The following SDK2 variants were observed in gnomAD, a reference collection of about 807,000 sequenced individuals.
SDK2 encodes the protein protein sidekick-2.
SDK2 carries 105 observed loss-of-function variants against 253.9 expected under a neutral mutation model. The ratio of observed to expected loss-of-function variants is 0.41; its 90% CI spans 0.35 to 0.49. The LOEUF is 0.49. Among genes scored for constraint, SDK2 ranks in the 20% least tolerant of loss-of-function variants. SDK2 has a pLI of 0.06. For missense variants in SDK2, 2,608 were observed against 3,003.0 expected (o/e 0.87, Z 3.07); for synonymous variants, 1,249 against 1,234.9 (o/e 1.01, Z -0.24).
At position 73,531,968 on chromosome 17, in the gene SDK2, G is replaced by A. The variant is rs1236574112; in HGVS notation, c.65-24371C>T. 5.3e-5 allele frequency among the ~76,000 whole-genome samples: 8 copies of A among 152,096 alleles called. No individual in the cohort carries two copies. The South Asian group carries it at 1.0e-3, about 20-fold the overall frequency. On this transcript the variant is annotated intron_variant, in intron 1 of 44. Transcript: ENST00000392650. The stretch of plus-strand genomic sequence containing the variant: ...AGTGGCTGAGGTGCCTGTACCTATC[G>A]GCGCCTTCTAATCTCCATCGTGGTG...
intron 1 of SDK2, among the ~76,000 whole-genome samples, chr17:73,614,576 G>GA (rs2046023513): frequency 9.4e-6 from 1 of 105,924 alleles, no homozygotes; most frequent in Non-Finnish European, 1.9e-5. Flanking sequence ...TGAAAAGGGG[G>GA]AGGGAGGGAG....
At chr17:73,479,344 CGT>C (rs72154855) in intron 2 of SDK2, among the ~76,000 whole-genome samples, 2 of 151,678 alleles carry the variant, frequency 1.3e-5, no homozygotes, top group Non-Finnish European at 2.9e-5. Flanking sequence ...CATGTCTGTG[CGT>C]GTGTGTGTGT....
chr17:73,643,571 C>T lies in SDK2; in HGVS notation c.64+454G>A, dbSNP rs2046425116. ...ATCCAGCGCTCGCCCACCCCACTCC[C>T]TCGCCCCGGGGAGGCCATCGCCTGC... On this transcript the variant is annotated intron_variant, in intron 1 of 44. Coordinates refer to ENST00000392650, the MANE Select transcript of SDK2 (RefSeq NM_001144952.2). This position sits in a 1 kb window ranked among gnomAD's most constrained non-coding sequence, Gnocchi z 6.9. Among the ~76,000 whole-genome samples, 1 of 152,126 alleles carries T rather than the reference C, an allele frequency of 6.6e-6. No homozygotes were observed. The highest frequency in any genetic ancestry group is 1.5e-5 in the Non-Finnish European group (1 of 68,006).
intron 1 of SDK2, among the ~76,000 whole-genome samples, chr17:73,601,823 A>G (rs747799087): frequency 4.0e-5 from 6 of 151,532 alleles, no homozygotes; most frequent in Non-Finnish European, 8.8e-5. Context: ...GGCTCGTTGC[A>G]GCCTCCGCCT....
chr17:73,601,704 C>T (rs570870548), intron 1 of SDK2, among the ~76,000 whole-genome samples: 9 of 151,968 alleles, frequency 5.9e-5, no homozygotes, highest in African/African-American at 2.2e-4. Flanking sequence ...CCAACCCTGC[C>T]GACGACACCT....
intron 16 of SDK2, 90 bp from the exon 17 acceptor site, chr17:73,416,082 GGACT>G: frequency 8.1e-7 from 1 of 1,231,166 alleles, no homozygotes; most frequent in Non-Finnish European, 1.1e-6. Context: ...CTGTCCAATA[GGACT>G]TCCGGTGGTG....
At position 73,379,143 on chromosome 17, in the gene SDK2, G is replaced by A. The variant is rs762604112; in HGVS notation, c.4980+34C>T. 11 of 1,493,172 alleles carry A rather than the reference G, an allele frequency of 7.4e-6. 1 individual carries two copies. The highest frequency in any genetic ancestry group is 6.1e-5 in the South Asian group (5 of 82,542). The allele number at this position is 1,493,172 out of a possible 1,614,324, so 92.5% of individuals were successfully genotyped here. On this transcript the variant is annotated intron_variant, in intron 36 of 44. Transcript: ENST00000392650. The surrounding 1 kb of genome is among the most constrained non-coding windows in gnomAD (Gnocchi z 4.5). ...CAGCCTCCGACCTGGCTTCTCATCC[G>A]TGCACCCCTTTGCTCTGCCCGAGGG...
At chr17:73,624,220 G>A (rs2046172298) in intron 1 of SDK2, among the ~76,000 whole-genome samples, 1 of 152,234 alleles carries the variant, frequency 6.6e-6, no homozygotes, top group Non-Finnish European at 1.5e-5. Context: ...TGGGCTGGGC[G>A]TGGTAGCTCA....
intron 36 of SDK2, among the ~76,000 whole-genome samples, chr17:73,373,809 G>A (rs933284550): frequency 6.6e-6 from 1 of 152,014 alleles, no homozygotes; most frequent in Non-Finnish European, 1.5e-5. Flanking sequence ...GCTAATTTTT[G>A]TATTTTTAGT....
At chr17:73,499,070 T>C (rs2063865689) in intron 2 of SDK2, among the ~76,000 whole-genome samples, 1 of 152,238 alleles carries the variant, frequency 6.6e-6, no homozygotes, top group South Asian at 2.1e-4. Flanking sequence ...GTGCCATGCC[T>C]GTGCTCCCGT....
intron 1 of SDK2, among the ~76,000 whole-genome samples, chr17:73,613,364 C>A (rs2046002263): frequency 6.6e-6 from 1 of 151,578 alleles, no homozygotes; most frequent in South Asian, 2.1e-4. Context: ...TCCCCACCCC[C>A]GCCCTCCAGG....
intron 21 of SDK2, among the ~76,000 whole-genome samples, chr17:73,399,617 A>G (rs11656190): frequency 0.92 from 140,735 of 152,202 alleles, 65,210 homozygotes; most frequent in Non-Finnish European, 0.95. Flanking sequence ...TAAGGCAGCT[A>G]AAAGCTGCAT....
At chr17:73,354,790 G>T (rs1222684276) in intron 40 of SDK2, among the ~76,000 whole-genome samples, 1 of 151,978 alleles carries the variant, frequency 6.6e-6, no homozygotes, top group Non-Finnish European at 1.5e-5. Context: ...CGTTCTTCTC[G>T]CCGTTCTGCT....
chr17:73,473,391 C>T (rs2145697274), intron 2 of SDK2, among the ~76,000 whole-genome samples: 1 of 152,306 alleles, frequency 6.6e-6, no homozygotes, highest in Middle Eastern at 3.4e-3. Flanking sequence ...TTTCCCATCC[C>T]TAGGCAATGG....
intron 1 of SDK2, among the ~76,000 whole-genome samples, chr17:73,530,073 C>T (rs1408967543): frequency 6.6e-6 from 1 of 152,190 alleles, no homozygotes; most frequent in African/African-American, 2.4e-5. Flanking sequence ...TCCAGTCGAA[C>T]CCATACCTGA....
At position 73,361,714 on chromosome 17, in the gene SDK2, C is replaced by G. The variant is rs766510308; in HGVS notation, c.5437G>C (p.Glu1813Gln). 2 of 1,612,540 alleles carry G rather than the reference C, an allele frequency of 1.2e-6. No individual in the cohort carries two copies. The highest frequency in any genetic ancestry group is 1.7e-6 in the Non-Finnish European group (2 of 1,178,692). ...CCGGGGCCCGTGGTGACGTTGGCTT[C>G]GATCTCCGGCCCGTAGGTGAAGGTC... is the stretch of plus-strand genomic sequence containing the variant. Reference protein sequence around the residue: ...AKTFTYGPEIEANVTTGPGEG... With the variant: ...AKTFTYGPEIQANVTTGPGEG... The change falls in exon 39 of 45, where the codon GAA (glutamate) becomes CAA (glutamine). Residue 1813 changes from glutamate to glutamine, a missense_variant. Physicochemically the swap from Glu to Gln is conservative, Grantham distance 29. Coordinates refer to ENST00000392650, the MANE Select transcript of SDK2 (RefSeq NM_001144952.2). This position sits in a 1 kb window ranked among gnomAD's most constrained non-coding sequence, Gnocchi z 4.1.
chr17:73,512,722 G>A (rs977523061), intron 1 of SDK2, among the ~76,000 whole-genome samples: 3 of 152,128 alleles, frequency 2.0e-5, no homozygotes, highest in African/African-American at 7.2e-5. Flanking sequence ...TTACAAAGCT[G>A]CAATAATGAA....
intron 12 of SDK2, among the ~76,000 whole-genome samples, chr17:73,426,269 G>A (rs59953817): frequency 0.19 from 24,003 of 124,842 alleles, 2,294 homozygotes; most frequent in Middle Eastern, 0.36. Context: ...GCTTTGCCAT[G>A]TTGGCCAAGC....
At position 73,379,473 on chromosome 17, in the gene SDK2, C is replaced by A. The variant is rs144878236; in HGVS notation, c.4839G>T (p.Pro1613=). The part of the protein sequence containing the change: ...NAVGEGPSSP[P]QEVFVGEAVP... ...CTGCCTCCCCAACAAAGACCTCCTG[C>A]GGGGGGCTGGAGGGCCCCTCACCCA... The change falls in exon 35 of 45, where the codon CCG becomes CCT. Residue 1613 remains proline (P), a synonymous_variant. Transcript: ENST00000392650. The surrounding 1 kb of genome is among the most constrained non-coding windows in gnomAD (Gnocchi z 4.5). 6.2e-7 allele frequency: 1 copy of A among 1,609,372 alleles called. No homozygotes were observed. The highest frequency in any genetic ancestry group is 8.5e-7 in the Non-Finnish European group (1 of 1,177,642).
Sources: gnomAD v4.1 joint callset for allele counts (sites outside exome capture counted in the v4.1 genomes callset) on GRCh38, gnomAD v4.1.1 for gene constraint, Gnocchi (gnomAD v3.1) non-coding constraint, MANE v1.5 for transcripts, NCBI Gene and HGNC (gene_info 2026-07-23, HGNC 2026-07-21) for gene names.